The following GLS variants were observed in gnomAD, a reference collection of about 807,000 sequenced individuals.
The protein encoded by GLS is glutaminase.
A neutral mutation model predicts 86.7 loss-of-function variants in GLS; 36 were observed. That is an observed-to-expected ratio of 0.42 (90% confidence interval 0.32 to 0.55). The LOEUF is 0.55. Ranked by LOEUF, GLS falls within the 20% of genes least tolerant of loss-of-function variation. The pLI, the probability that GLS is intolerant of heterozygous loss-of-function variation, is 0.17. For synonymous variants in GLS, 317 were observed against 305.9 expected (o/e 1.04, Z -0.38); for missense variants, 528 against 833.4 (o/e 0.63, Z 4.51).
chr2:190,935,069 C>G lies in GLS; in HGVS notation c.1650+3432C>G, dbSNP rs1234607721. On this transcript the variant is annotated intron_variant, in intron 14 of 17. Coordinates refer to ENST00000320717, the MANE Select transcript of GLS (RefSeq NM_014905.5). The surrounding 1 kb of genome is among the most constrained non-coding windows in gnomAD (Gnocchi z 4.2). ...TTTACAATGTAGCATATTTGATTTT[C>G]TTTTTTCTTTCTTTTTTTGGCATCA... 1.7e-5 allele frequency: 16 copies of G among 943,972 alleles called. No homozygotes were observed. Among genetic ancestry groups the G allele is most frequent in the Non-Finnish European group, 2.0e-5 (16 of 792,772 alleles). 58.5% of individuals were successfully genotyped at this position (943,972 alleles called of 1,614,324 possible).
Position 190,927,459 on chromosome 2 carries a change from T to C in GLS, c.1402T>C (p.Phe468Leu). ...SLMHSCGMYD[F>L]SGQFAFHVGL... Reference sequence around the variant, plus strand: ...GATGCATTCCTGTGGCATGTATGACTTCTCAGGGCAGTTTGCTTTCCATGT... The same window carrying C: ...GATGCATTCCTGTGGCATGTATGACCTCTCAGGGCAGTTTGCTTTCCATGT... The change falls in exon 12 of 18, where the codon TTC becomes CTC. Residue 468 changes from phenylalanine to leucine, a missense_variant. Phe to Leu is a conservative substitution (Grantham distance 22). Transcript: ENST00000320717. 1 of 1,609,926 alleles carries C rather than the reference T, an allele frequency of 6.2e-7. No individual in the cohort carries two copies.
chr2:190,957,500 ATGCT>A (rs1690889880), intron 17 of GLS, among the ~76,000 whole-genome samples: 1 of 152,208 alleles, frequency 6.6e-6, no homozygotes, highest in Non-Finnish European at 1.5e-5. Context: ...TTCAAAGGGA[ATGCT>A]TCCAGTTTTT....
chr2:190,934,254 G>A, intron 14 of GLS: 4 of 954,550 alleles, frequency 4.2e-6, no homozygotes, highest in Non-Finnish European at 5.0e-6. Context: ...ATTTCACTGA[G>A]TATTTTAGAT....
chr2:190,907,737 A>G (rs1188795714), intron 6 of GLS, among the ~76,000 whole-genome samples: 1 of 152,198 alleles, frequency 6.6e-6, no homozygotes, highest in Non-Finnish European at 1.5e-5. Context: ...AATTATTTAT[A>G]TAGCTTTCCT....
At chr2:190,893,698 G>A (rs1688638251) in intron 1 of GLS, among the ~76,000 whole-genome samples, 1 of 152,082 alleles carries the variant, frequency 6.6e-6, no homozygotes, top group East Asian at 1.9e-4. Context: ...CTATTCTCCT[G>A]CCTCAGCCTC....
chr2:190,893,593 TA>T (rs1334245477), intron 1 of GLS, among the ~76,000 whole-genome samples: 1 of 152,162 alleles, frequency 6.6e-6, no homozygotes, highest in Non-Finnish European at 1.5e-5. Context: ...ATCCCAAATG[TA>T]TTTTTTTTGG....
At chr2:190,957,088 C>CCTTT (rs61494037) in intron 17 of GLS, among the ~76,000 whole-genome samples, 13,791 of 151,894 alleles carry the variant, frequency 0.091, 1,157 homozygotes, top group Admixed American at 0.25. Flanking sequence ...TATTTGAATA[C>CCTTT]CTTTCTTTCT....
intron 14 of GLS, among the ~76,000 whole-genome samples, chr2:190,948,663 G>A (rs544576170): frequency 6.6e-6 from 1 of 152,174 alleles, no homozygotes; most frequent in Admixed American, 6.5e-5. Flanking sequence ...GGGGAATTTG[G>A]ATTTTTCTTA....
At chr2:190,931,444 A>T (rs1690102574) in intron 13 of GLS, 101 bp from the exon 14 acceptor site, 1 of 512,134 alleles carries the variant, frequency 2.0e-6, no homozygotes, top group African/African-American at 2.0e-5. Context: ...TGTAGTGATG[A>T]TTTCTAGGCT....
chr2:190,954,249 T>C lies in GLS; in HGVS notation c.1713-335T>C, dbSNP rs1251128330. 1.3e-5 allele frequency among the ~76,000 whole-genome samples: 2 copies of C among 152,058 alleles called. No individual in the cohort carries two copies. The highest frequency in any genetic ancestry group is 4.8e-5 in the African/African-American group (2 of 41,430). ...CTTAGTAAAACATACAACTTTACTA[T>C]AGGGATTAGTTTCTTGCCCTTATGA... On this transcript the variant is annotated intron_variant, in intron 15 of 17. Coordinates refer to ENST00000320717, the MANE Select transcript of GLS (RefSeq NM_014905.5). The surrounding 1 kb of genome is among the most constrained non-coding windows in gnomAD (Gnocchi z 4.0).
intron 14 of GLS, among the ~76,000 whole-genome samples, chr2:190,948,206 C>T (rs993493689): frequency 4.6e-5 from 7 of 152,170 alleles, no homozygotes; most frequent in African/African-American, 1.7e-4. Context: ...AATCCAGCTC[C>T]ATAGCTAGCC....
intron 14 of GLS, chr2:190,933,288 G>A: frequency 1.1e-6 from 1 of 907,358 alleles, no homozygotes; most frequent in Non-Finnish European, 1.3e-6. Context: ...GTCTTTAGTG[G>A]CAATAGAAGG....
Position 190,881,027 on chromosome 2 carries a change from G to T in GLS, c.-58G>T. ...ACAGACCGCGTTCCCCGAGGAAACC[G>T]GCCGCCCACGCCCGGAGCATCCTCC... On this transcript the variant is annotated 5_prime_UTR_variant, in exon 1 of 18. Transcript: ENST00000320717. 2 of 1,513,026 alleles carry T rather than the reference G, an allele frequency of 1.3e-6. No individual in the cohort carries two copies. The highest frequency in any genetic ancestry group is 2.6e-5 in the East Asian group (1 of 38,964). The allele number at this position is 1,513,026 out of a possible 1,614,324, so 93.7% of individuals were successfully genotyped here.
chr2:190,880,918 G>C lies in GLS; in HGVS notation c.-167G>C, dbSNP rs1041497744. On this transcript the variant is annotated 5_prime_UTR_variant, in exon 1 of 18. Coordinates refer to ENST00000320717, the MANE Select transcript of GLS (RefSeq NM_014905.5). ...AGCAGCAGCAGCAGCAGCAGCAGCAGCACCCGCATCCGCTGCGGGAGTCCG... is the reference window on the plus strand; with the variant it reads ...AGCAGCAGCAGCAGCAGCAGCAGCACCACCCGCATCCGCTGCGGGAGTCCG... 1.6e-4 allele frequency: 140 copies of C among 882,468 alleles called. 3 individuals are homozygous for C. The highest frequency in any genetic ancestry group is 7.1e-4 in the South Asian group (49 of 68,678). 54.7% of individuals were successfully genotyped at this position (882,468 alleles called of 1,614,324 possible).
At position 190,962,032 on chromosome 2, in the gene GLS, T is replaced by G. The variant is rs1043228813; in HGVS notation, c.1854-798T>G. Among the ~76,000 whole-genome samples the G allele has an allele frequency of 6.6e-6, 1 of 152,172 alleles. No individual in the cohort carries two copies. The highest frequency in any genetic ancestry group is 2.4e-5 in the African/African-American group (1 of 41,426). Reference sequence around the variant, plus strand: ...TTGTAAAGTGTAAGGGAACTACCCATCGTACCCTGTCATTGACTAGGGCTG... The same window carrying G: ...TTGTAAAGTGTAAGGGAACTACCCAGCGTACCCTGTCATTGACTAGGGCTG... On this transcript the variant is annotated intron_variant, in intron 17 of 17. Coordinates refer to ENST00000320717, the MANE Select transcript of GLS (RefSeq NM_014905.5). The surrounding 1 kb of genome is among the most constrained non-coding windows in gnomAD (Gnocchi z 4.2).
At chr2:190,911,437 AT>A (rs1689356834) in intron 7 of GLS, among the ~76,000 whole-genome samples, 3 of 152,280 alleles carry the variant, frequency 2.0e-5, no homozygotes, top group African/African-American at 7.2e-5. Flanking sequence ...TTTAATTCTT[AT>A]AACTCTAATG....
chr2:190,910,178 C>A, intron 6 of GLS, 85 bp from the exon 7 acceptor site: 2 of 818,318 alleles, frequency 2.4e-6, no homozygotes, highest in Non-Finnish European at 3.9e-6. Flanking sequence ...GTTAGCTGTG[C>A]TTTTTCCAAG....
Position 190,895,336 on chromosome 2 carries a change from G to T in GLS, c.483+88G>T. 2 of 592,150 alleles carry T rather than the reference G, an allele frequency of 3.4e-6. No homozygotes were observed. Among genetic ancestry groups the T allele is most frequent in the African/African-American group, 3.7e-5 (2 of 53,512 alleles). The allele number at this position is 592,150 out of a possible 1,614,324, so 36.7% of individuals were successfully genotyped here. On this transcript the variant is annotated intron_variant, in intron 2 of 17. Transcript: ENST00000320717. The surrounding 1 kb of genome is among the most constrained non-coding windows in gnomAD (Gnocchi z 4.2). ...TTATTGAAATATAGTCTTAAAGGTC[G>T]TCTGACATGTAGATTCTGACTGACA...
In GLS at chr2:190,895,572, A is replaced by G. The variant is rs781745761; in HGVS notation, c.484-32A>G. On this transcript the variant is annotated intron_variant, in intron 2 of 17. Coordinates refer to ENST00000320717, the MANE Select transcript of GLS (RefSeq NM_014905.5). The surrounding 1 kb of genome is among the most constrained non-coding windows in gnomAD (Gnocchi z 4.2). ...TAAGCATATACATTATTTGCACTAT[A>G]TATTTACAAACTCTTATTTTTTTAA... 2.7e-6 allele frequency: 4 copies of G among 1,504,804 alleles called. No homozygotes were observed. Among genetic ancestry groups the G allele is most frequent in the South Asian group, 2.4e-5 (2 of 84,772 alleles). The allele number at this position is 1,504,804 out of a possible 1,614,324, so 93.2% of individuals were successfully genotyped here.
Sources: gnomAD v4.1 joint callset for allele counts (sites outside exome capture counted in the v4.1 genomes callset) on GRCh38, gnomAD v4.1.1 for gene constraint, Gnocchi (gnomAD v3.1) non-coding constraint, MANE v1.5 for transcripts, NCBI Gene and HGNC (gene_info 2026-07-23, HGNC 2026-07-21) for gene names.